The following SLC26A7 variants were observed in gnomAD, a reference collection of about 807,000 sequenced individuals.
SLC26A7 encodes the protein anion exchange transporter.
In SLC26A7, 59 loss-of-function variants were observed where a neutral mutation model predicts 82.5. The ratio of observed to expected loss-of-function variants is 0.72; its 90% CI spans 0.58 to 0.89. The LOEUF (loss-of-function observed/expected upper bound fraction) is 0.89. Ranked by LOEUF, SLC26A7 falls within the 40% of genes least tolerant of loss-of-function variation. The pLI, the probability that SLC26A7 is intolerant of heterozygous loss-of-function variation, is 0.00. For synonymous variants in SLC26A7, 271 were observed against 274.3 expected (o/e 0.99, Z 0.12); for missense variants, 820 against 793.0 (o/e 1.03, Z -0.41).
intron 11 of SLC26A7, among the ~76,000 whole-genome samples, chr8:91,354,735 T>G (rs995890254): frequency 6.6e-5 from 10 of 152,120 alleles, no homozygotes; most frequent in African/African-American, 1.9e-4. Flanking sequence ...ATATTAAAGA[T>G]ATTGTATTTG....
intron 11 of SLC26A7, among the ~76,000 whole-genome samples, chr8:91,355,191 TAA>T (rs1312331803): frequency 6.6e-6 from 1 of 152,168 alleles, no homozygotes; most frequent in Non-Finnish European, 1.5e-5. Context: ...CTTGTTTTTC[TAA>T]ATGGATGCTC....
chr8:91,270,638 T>A (rs1013751039), intron 2 of SLC26A7, among the ~76,000 whole-genome samples: 8 of 152,318 alleles, frequency 5.3e-5, no homozygotes, highest in African/African-American at 1.9e-4. Context: ...TGGCAGCCAT[T>A]GACCAAGTGA....
chr8:91,311,447 A>C (rs1347177824), intron 4 of SLC26A7, among the ~76,000 whole-genome samples: 1 of 152,060 alleles, frequency 6.6e-6, no homozygotes, highest in Admixed American at 6.6e-5. Flanking sequence ...ATATATACAC[A>C]CACTCACACA....
intron 2 of SLC26A7, among the ~76,000 whole-genome samples, chr8:91,263,005 A>C (rs973644559): frequency 6.6e-6 from 1 of 152,056 alleles, no homozygotes; most frequent in Admixed American, 6.6e-5. Context: ...TGTGCTGTGA[A>C]TCTCTTTAAC....
intron 14 of SLC26A7, among the ~76,000 whole-genome samples, chr8:91,366,983 T>G (rs1814212634): frequency 6.6e-6 from 1 of 152,138 alleles, no homozygotes; most frequent in African/African-American, 2.4e-5. Context: ...TGATCCAATT[T>G]AATGGATCTC....
intron 2 of SLC26A7, among the ~76,000 whole-genome samples, chr8:91,272,034 C>G (rs556964758): frequency 6.6e-6 from 1 of 151,290 alleles, no homozygotes; most frequent in East Asian, 2.0e-4. Flanking sequence ...CTTAGTACTT[C>G]CTAAAAAACT....
At chr8:91,228,818 A>T (rs1810274309) in intron 2 of SLC26A7, among the ~76,000 whole-genome samples, 1 of 152,176 alleles carries the variant, frequency 6.6e-6, no homozygotes, top group African/African-American at 2.4e-5. Context: ...GAGGACAAAA[A>T]AGTGCGTTTA....
chr8:91,271,003 A>G (rs565952352), intron 2 of SLC26A7, among the ~76,000 whole-genome samples: 31 of 152,320 alleles, frequency 2.0e-4, no homozygotes, highest in African/African-American at 7.5e-4. Flanking sequence ...GAACCACTCA[A>G]TTCTGCTGTA....
intron 15 of SLC26A7, among the ~76,000 whole-genome samples, chr8:91,383,017 T>C (rs1814707207): frequency 6.6e-6 from 1 of 152,082 alleles, no homozygotes; most frequent in Non-Finnish European, 1.5e-5. Flanking sequence ...AAGTAGGCTA[T>C]ATACATGAAA....
At chr8:91,223,091 A>G (rs1810184247) in intron 2 of SLC26A7, among the ~76,000 whole-genome samples, 1 of 152,050 alleles carries the variant, frequency 6.6e-6, no homozygotes, top group Non-Finnish European at 1.5e-5. Context: ...GAATTTATTC[A>G]TTTCTTCTAG....
intron 4 of SLC26A7, among the ~76,000 whole-genome samples, chr8:91,303,308 G>A (rs1227875370): frequency 1.3e-5 from 2 of 152,128 alleles, no homozygotes; most frequent in East Asian, 1.9e-4. Flanking sequence ...TGGACAATTT[G>A]CATATTTGTT....
intron 4 of SLC26A7, among the ~76,000 whole-genome samples, chr8:91,302,278 G>A (rs1586383518): frequency 6.6e-6 from 1 of 152,072 alleles, no homozygotes; most frequent in East Asian, 1.9e-4. Flanking sequence ...CACTGACTGA[G>A]AAAGGTGTGT....
At chr8:91,268,356 G>A (rs1214718870) in intron 2 of SLC26A7, among the ~76,000 whole-genome samples, 5 of 151,564 alleles carry the variant, frequency 3.3e-5, no homozygotes, top group African/African-American at 1.2e-4. Flanking sequence ...ATAGCCTCTT[G>A]GTATATTGAC....
chr8:91,267,002 A>T (rs1811130751), intron 2 of SLC26A7, among the ~76,000 whole-genome samples: 1 of 151,796 alleles, frequency 6.6e-6, no homozygotes, highest in African/African-American at 2.4e-5. Context: ...GATCATATGG[A>T]TATTTTTCTT....
chr8:91,259,165 A>C (rs911766590), intron 2 of SLC26A7, among the ~76,000 whole-genome samples: 14 of 152,208 alleles, frequency 9.2e-5, no homozygotes, highest in African/African-American at 3.1e-4. Context: ...CTTAATTTTA[A>C]AATGGAAGGC....
chr8:91,279,855 G>A (rs1423232905), intron 2 of SLC26A7, among the ~76,000 whole-genome samples: 1 of 152,148 alleles, frequency 6.6e-6, no homozygotes, highest in Non-Finnish European at 1.5e-5. Flanking sequence ...ACCGCGCCCA[G>A]CCGTGTATTT....
intron 4 of SLC26A7, among the ~76,000 whole-genome samples, chr8:91,305,448 A>G (rs1256412239): frequency 6.6e-6 from 1 of 152,160 alleles, no homozygotes; most frequent in Non-Finnish European, 1.5e-5. Flanking sequence ...AAAAACAAAA[A>G]CACAACTACT....
intron 15 of SLC26A7, among the ~76,000 whole-genome samples, chr8:91,371,283 T>G (rs1814352131): frequency 6.6e-6 from 1 of 151,876 alleles, no homozygotes; most frequent in Admixed American, 6.6e-5. Context: ...AAATTTACTT[T>G]AAATAATTTT....
At chr8:91,343,671 A>G (rs1172633676) in intron 9 of SLC26A7, among the ~76,000 whole-genome samples, 1 of 152,220 alleles carries the variant, frequency 6.6e-6, no homozygotes, top group African/African-American at 2.4e-5. Flanking sequence ...CAACAAGGAA[A>G]CTAAAAAATT....
Sources: allele counts gnomAD v4.1 joint callset (sites outside exome capture counted in the v4.1 genomes callset), GRCh38; gene constraint gnomAD v4.1.1; transcripts MANE v1.5; gene names NCBI Gene and HGNC (gene_info 2026-07-23, HGNC 2026-07-21).